The following CHAMP1 variants were observed in gnomAD, a reference collection of about 807,000 sequenced individuals.
CHAMP1 encodes chromosome alignment maintaining phosphoprotein 1, also known as chromosome alignment-maintaining phosphoprotein 1.
In CHAMP1, 4 loss-of-function variants were observed where a neutral mutation model predicts 54.5. The ratio of observed to expected loss-of-function variants is 0.07; its 90% confidence interval spans 0.04 to 0.17. CHAMP1 has a LOEUF of 0.17. Among genes scored for constraint, CHAMP1 ranks in the 10% least tolerant of loss-of-function variants. The pLI is 1.00. For missense variants in CHAMP1, 994 were observed against 968.6 expected, an observed-to-expected ratio of 1.03 and a Z score of -0.35; for synonymous variants, 368 against 342.2, an observed-to-expected ratio of 1.08 and a Z score of -0.83.
At chr13:114,317,776 G>A (rs2139409151) in intron 1 of CHAMP1, among the ~76,000 whole-genome samples, 1 of 152,264 alleles carries the variant, frequency 6.6e-6, no homozygotes, top group African/African-American at 2.4e-5. Flanking sequence ...AGTGGTGTTC[G>A]ACTTCAAAGA....
chr13:114,318,312 AT>A (rs34593070), intron 1 of CHAMP1, among the ~76,000 whole-genome samples: 3,987 of 134,566 alleles, frequency 0.03, 126 homozygotes, highest in African/African-American at 0.09. Flanking sequence ...GCTGATCATC[AT>A]TTTTTTTTTT....
intron 2 of CHAMP1, chr13:114,322,912 G>A (rs1479320998): frequency 6.6e-6 from 1 of 152,176 alleles, no homozygotes; most frequent in Non-Finnish European, 1.5e-5. Context: ...TTAACTGTGA[G>A]CTTCTATTCC....
chr13:114,325,166 C>T lies in CHAMP1; in HGVS notation c.1324C>T (p.Pro442Ser), dbSNP rs573576960. The T allele has an allele frequency of 2.5e-6, 4 of 1,614,188 alleles. No homozygotes were observed. The highest frequency in any genetic ancestry group is 2.2e-5 in the South Asian group (2 of 91,082). The change falls in exon 3 of 3, where the codon CCC (proline) becomes TCC (serine). Residue 442 changes from proline to serine, a missense_variant. This residue lies in a region of CHAMP1 where 851 missense variants were observed against 701.3 expected (regional missense o/e 1.21). Coordinates refer to ENST00000361283, the MANE Select transcript of CHAMP1 (RefSeq NM_032436.4). ...AGCAGGATCTCCAGAGCTCAGAAAA[C>T]CCTCAGGGTCACCAGATCTTTGGAA... ...SPAGSPELRK[P>S]SGSPDLWKLS...
chr13:114,324,729 T>A lies in CHAMP1; in HGVS notation c.887T>A (p.Val296Asp). Reference protein sequence around the residue: ...SPEPWKPFPAVSPEPRRPAPA... With the variant: ...SPEPWKPFPADSPEPRRPAPA... ...GAACCTTGGAAGCCGTTCCCTGCTG[T>A]CTCCCCAGAGCCTAGGAGACCAGCC... is the stretch of plus-strand genomic sequence containing the variant. Residue 296 changes from valine (V) to aspartate (D), a missense_variant, in exon 3 of 3, where the codon GTC (valine) becomes GAC (aspartate). Val to Asp is a radical substitution (Grantham distance 152, BLOSUM62 -3). Transcript: ENST00000361283. 6.2e-7 allele frequency: 1 copy of A among 1,613,648 alleles called. No individual in the cohort carries two copies. Among genetic ancestry groups the A allele is most frequent in the African/African-American group, 1.3e-5 (1 of 74,924 alleles).
chr13:114,322,548 T>C (rs2087188105), intron 2 of CHAMP1: 1 of 152,220 alleles, frequency 6.6e-6, no homozygotes. Context: ...TAGGAAATTG[T>C]CTCTCATATA....
At chr13:114,316,538 C>T (rs2087101968) in intron 1 of CHAMP1, among the ~76,000 whole-genome samples, 1 of 151,032 alleles carries the variant, frequency 6.6e-6, no homozygotes, top group Admixed American at 6.6e-5. Context: ...TGCAGTGAGC[C>T]GAGATTGCGC....
chr13:114,320,569 C>T (rs9562200), intron 1 of CHAMP1, among the ~76,000 whole-genome samples: 40,979 of 151,980 alleles, frequency 0.27, 6,424 homozygotes, highest in East Asian at 0.57. Flanking sequence ...ATTACACACA[C>T]GGGCATAATT....
At position 114,324,409 on chromosome 13, in the gene CHAMP1, A is replaced by G. The variant is rs2087212429; in HGVS notation, c.567A>G (p.Lys189=). 1 of 1,613,888 alleles carries G rather than the reference A, an allele frequency of 6.2e-7. No homozygotes were observed. Among genetic ancestry groups the G allele is most frequent in the Non-Finnish European group, 8.5e-7 (1 of 1,180,002 alleles). The stretch of plus-strand genomic sequence containing the variant: ...CTGTTTCTTCTCCTGAACCTCCAAA[A>G]TCAGTCCCTGTTTGTGAGTCTCAGA... The part of the protein sequence containing the change: ...PASVSSPEPP[K]SVPVCESQKL... The change falls in exon 3 of 3, where the codon AAA becomes AAG. Residue 189 remains lysine, a synonymous_variant. Transcript: ENST00000361283.
rs1241702299 is a variant in CHAMP1 at position 114,324,548 on chromosome 13, A to T, written c.706A>T (p.Thr236Ser). Residue 236 changes from threonine (T) to serine (S), a missense_variant, in exon 3 of 3, where the codon ACA becomes TCA. Transcript: ENST00000361283. ...CCAGAAGCAGTCTCATTTCCCGGAA[A>T]CATTGGGGCCACCTTCAGCCTCATC... The part of the protein sequence containing the change: ...KPQKQSHFPE[T>S]LGPPSASSPE... 6.2e-7 allele frequency: 1 copy of T among 1,613,922 alleles called. No individual in the cohort carries two copies. Among genetic ancestry groups the T allele is most frequent in the East Asian group, 2.2e-5 (1 of 44,870 alleles).
chr13:114,315,589 A>T (rs1443819126), intron 1 of CHAMP1, among the ~76,000 whole-genome samples: 1 of 152,218 alleles, frequency 6.6e-6, no homozygotes, highest in East Asian at 1.9e-4. Context: ...AGTATAAACG[A>T]GCACATTGAA....
At chr13:114,322,800 T>C (rs560303014) in intron 2 of CHAMP1, 1 of 152,346 alleles carries the variant, frequency 6.6e-6, no homozygotes, top group South Asian at 2.1e-4. Context: ...AAAGCATGTG[T>C]GTTGATCAAT....
At chr13:114,315,302 C>T (rs148744254) in intron 1 of CHAMP1, among the ~76,000 whole-genome samples, 303 of 152,208 alleles carry the variant, frequency 2.0e-3, no homozygotes, top group Middle Eastern at 0.01. Flanking sequence ...GAAATTGAAG[C>T]TCGGGTGCAT....
At position 114,324,978 on chromosome 13, in the gene CHAMP1, C is replaced by T. The variant is rs2087225161; in HGVS notation, c.1136C>T (p.Ser379Phe). 1.9e-6 allele frequency: 3 copies of T among 1,614,076 alleles called. No individual in the cohort carries two copies. The East Asian group carries it at 6.7e-5, about 36-fold the overall frequency. The change falls in exon 3 of 3, where the codon TCC becomes TTC. Residue 379 changes from serine (S) to phenylalanine (F), a missense_variant. Transcript: ENST00000361283. ...SWKSSSVSPS[S>F]WKSPPASPES... ...AAATCTTCATCAGTCTCACCCAGCT[C>T]CTGGAAGTCTCCCCCTGCATCTCCT... is the stretch of plus-strand genomic sequence containing the variant.
chr13:114,317,268 G>A (rs1225531908), intron 1 of CHAMP1, among the ~76,000 whole-genome samples: 6 of 151,930 alleles, frequency 3.9e-5, no homozygotes, highest in Admixed American at 2.6e-4. Context: ...CAAATGATCC[G>A]CCTGCCTTGG....
chr13:114,318,324 T>TTG (rs977915251), intron 1 of CHAMP1, among the ~76,000 whole-genome samples: 3 of 151,844 alleles, frequency 2.0e-5, no homozygotes, highest in African/African-American at 7.3e-5. Context: ...TTTTTTTTTT[T>TTG]TTTGGTTTTC....
At position 114,315,340 on chromosome 13, in the gene CHAMP1, C is replaced by T. The variant is rs141999408; in HGVS notation, c.-179+697C>T. 5.9e-5 allele frequency among the ~76,000 whole-genome samples: 9 copies of T among 152,238 alleles called. No homozygotes were observed. The East Asian group carries it at 1.5e-3, about 26-fold the overall frequency. On this transcript the variant is annotated intron_variant, in intron 1 of 2. Transcript: ENST00000361283. The stretch of plus-strand genomic sequence containing the variant: ...CTGGTGGGAAAGTAGGGTGGTGCAG[C>T]AGCTATGGAAATTGGTAGTCGTTCC...
Position 114,324,761 on chromosome 13 carries a change from G to A in CHAMP1, c.919G>A (p.Val307Met), listed in dbSNP as rs1425647602. ...SPEPRRPAPA[V>M]SPGSWKPGPP... ...AGAGCCTAGGAGACCAGCCCCCGCT[G>A]TGTCACCAGGCTCTTGGAAACCAGG... is the stretch of plus-strand genomic sequence containing the variant. The change falls in exon 3 of 3, where the codon GTG (valine) becomes ATG (methionine). Residue 307 changes from valine (V) to methionine (M), a missense_variant. Physicochemically the swap from Val to Met is conservative, Grantham distance 21. Transcript: ENST00000361283. 6.2e-7 allele frequency: 1 copy of A among 1,613,990 alleles called. No individual in the cohort carries two copies. The highest frequency in any genetic ancestry group is 8.5e-7 in the Non-Finnish European group (1 of 1,179,896).
In CHAMP1 at chr13:114,326,813, T is replaced by TG. The variant is rs1273732289; in HGVS notation, c.*534dup. On this transcript the variant is annotated 3_prime_UTR_variant, in exon 3 of 3. Coordinates refer to ENST00000361283, the MANE Select transcript of CHAMP1 (RefSeq NM_032436.4). Reference sequence around the variant, plus strand: ...TATTAGCTTTTATGTCATGAAATGTTGGAGTCTCAGGGTTGCTGATTTTCT... The same window carrying TG: ...TATTAGCTTTTATGTCATGAAATGTTGGGAGTCTCAGGGTTGCTGATTTTCT... The TG allele has an allele frequency of 6.0e-6, 1 of 167,132 alleles. No individual in the cohort carries two copies. Among genetic ancestry groups the TG allele is most frequent in the African/African-American group, 2.4e-5 (1 of 41,474 alleles). 10.4% of individuals were successfully genotyped at this position (167,132 alleles called of 1,614,324 possible).
At chr13:114,320,882 G>A (rs568907689) in intron 1 of CHAMP1, among the ~76,000 whole-genome samples, 1 of 151,944 alleles carries the variant, frequency 6.6e-6, no homozygotes, top group Non-Finnish European at 1.5e-5. Context: ...CATGAACCCT[G>A]GAGGCGGAGC....
Sources: allele counts gnomAD v4.1 joint callset (sites outside exome capture counted in the v4.1 genomes callset), GRCh38; gene constraint gnomAD v4.1.1; regional missense constraint gnomAD v4.1.1; transcripts MANE v1.5; gene names NCBI Gene and HGNC (gene_info 2026-07-23, HGNC 2026-07-21).